Variants in CAMSAP1 observed in about 807,000 individuals in gnomAD.
CAMSAP1 encodes calmodulin regulated spectrin associated protein 1, also known as calmodulin-regulated spectrin-associated protein 1.
A neutral mutation model predicts 143.5 loss-of-function variants in CAMSAP1; 58 were observed. The ratio of observed to expected loss-of-function variants is 0.40; its 90% CI spans 0.33 to 0.50. CAMSAP1 has a LOEUF of 0.50. Ranked by LOEUF, CAMSAP1 falls within the 20% of genes least tolerant of loss-of-function variation. The pLI is 0.45. For synonymous variants in CAMSAP1, 945 were observed against 859.3 expected, an observed-to-expected ratio of 1.10 and a Z score of -1.74; for missense variants, 1,969 against 2,115.7, an observed-to-expected ratio of 0.93 and a Z score of 1.36.
At chr9:135,877,146 G>A (rs546952990) in intron 3 of CAMSAP1, among the ~76,000 whole-genome samples, 2 of 152,218 alleles carry the variant, frequency 1.3e-5, no homozygotes, top group Admixed American at 6.5e-5. Flanking sequence ...GCACACGATG[G>A]AACTCTACCA....
chr9:135,846,347 C>A (rs1836549212), intron 7 of CAMSAP1, among the ~76,000 whole-genome samples: 2 of 152,078 alleles, frequency 1.3e-5, no homozygotes, highest in Admixed American at 6.5e-5. Context: ...AATTTGGATC[C>A]CTTCCTTACA....
chr9:135,838,410 C>T, intron 7 of CAMSAP1, among the ~76,000 whole-genome samples: 1 of 144,958 alleles, frequency 6.9e-6, no homozygotes, highest in Non-Finnish European at 1.5e-5. Context: ...CACACATCAT[C>T]ACGCACTTTC....
chr9:135,897,447 C>T (rs1467905065), intron 1 of CAMSAP1, among the ~76,000 whole-genome samples: 1 of 152,174 alleles, frequency 6.6e-6, no homozygotes, highest in East Asian at 1.9e-4. Context: ...AACCACCACG[C>T]CTGGCCCTCA....
At chr9:135,846,816 A>C (rs1039297458) in intron 7 of CAMSAP1, among the ~76,000 whole-genome samples, 7 of 152,220 alleles carry the variant, frequency 4.6e-5, no homozygotes, top group African/African-American at 1.7e-4. Flanking sequence ...AGAAATGAAA[A>C]TCAAAACCAC....
Position 135,821,811 on chromosome 9 carries a change from A to G in CAMSAP1, c.2850T>C (p.Ala950=). 2.5e-6 allele frequency: 4 copies of G among 1,614,024 alleles called. No individual in the cohort carries two copies. The highest frequency in any genetic ancestry group is 3.4e-6 in the Non-Finnish European group (4 of 1,179,898). Residue 950 remains alanine (A), a synonymous_variant, in exon 11 of 17, where the codon GCT becomes GCC. Coordinates refer to ENST00000389532, the MANE Select transcript of CAMSAP1 (RefSeq NM_015447.4). The surrounding 1 kb of genome is among the most constrained non-coding windows in gnomAD (Gnocchi z 4.6). ...CGAGAAAGTCTTCGGTTTTGGAAACAGCGTCCCCACAGTCCTCCCCGTTGT... is the reference window on the plus strand; with the variant it reads ...CGAGAAAGTCTTCGGTTTTGGAAACGGCGTCCCCACAGTCCTCCCCGTTGT... ...SQHNGEDCGD[A]VSKTEDFLVK...
chr9:135,846,678 T>A, intron 7 of CAMSAP1, among the ~76,000 whole-genome samples: 2 of 132,646 alleles, frequency 1.5e-5, no homozygotes, highest in Non-Finnish European at 1.6e-5. Flanking sequence ...TAAAACAAAT[T>A]TACCAAAAAA....
intron 7 of CAMSAP1, among the ~76,000 whole-genome samples, chr9:135,831,324 A>G (rs1835852774): frequency 6.6e-6 from 1 of 152,176 alleles, no homozygotes; most frequent in Non-Finnish European, 1.5e-5. Flanking sequence ...CAAAACTTGC[A>G]TGATGCAGTG....
Position 135,818,208 on chromosome 9 carries a change from C to A in CAMSAP1, c.4169-129G>T. On this transcript the variant is annotated intron_variant, in intron 13 of 16. Transcript: ENST00000389532. The surrounding 1 kb of genome is among the most constrained non-coding windows in gnomAD (Gnocchi z 7.7). ...CACAGGCCGCGTCCCCACCCCATCC[C>A]GGGGAGCCGGGCTGCGCCTGGATGT... 1.7e-6 allele frequency: 2 copies of A among 1,165,700 alleles called. No individual in the cohort carries two copies. Among genetic ancestry groups the A allele is most frequent in the South Asian group, 3.0e-5 (2 of 66,858 alleles). The allele number at this position is 1,165,700 out of a possible 1,614,324, so 72.2% of individuals were successfully genotyped here.
chr9:135,827,113 T>C (rs2131674626), intron 8 of CAMSAP1, among the ~76,000 whole-genome samples: 1 of 152,286 alleles, frequency 6.6e-6, no homozygotes, highest in Non-Finnish European at 1.5e-5. Flanking sequence ...TTCTAATCTT[T>C]AGATCGTTTC....
At chr9:135,850,693 G>C (rs532280534) in intron 5 of CAMSAP1, among the ~76,000 whole-genome samples, 9 of 152,276 alleles carry the variant, frequency 5.9e-5, no homozygotes, top group African/African-American at 1.7e-4. Flanking sequence ...CATCCAGAAA[G>C]CATAATAGAA....
Position 135,836,425 on chromosome 9 carries a change from C to T in CAMSAP1, c.1046-8841G>A, listed in dbSNP as rs995440668. The T allele has an allele frequency of 1.6e-5, 16 of 984,618 alleles. No homozygotes were observed. The African/African-American group carries it at 2.3e-4, about 14-fold the overall frequency. 61.0% of individuals were successfully genotyped at this position (984,618 alleles called of 1,614,324 possible). A position where few individuals can be genotyped will look rare whatever the true frequency, so the allele number is the denominator to read the frequency against. On this transcript the variant is annotated intron_variant, in intron 7 of 16. Coordinates refer to ENST00000389532, the MANE Select transcript of CAMSAP1 (RefSeq NM_015447.4). Reference sequence around the variant, plus strand: ...CTTTTTCTACTCCGTTCTACAGACACGTCACCACACACTTTCTACCCTGTT... The same window carrying T: ...CTTTTTCTACTCCGTTCTACAGACATGTCACCACACACTTTCTACCCTGTT...
In CAMSAP1 at chr9:135,893,261, TGAAA is replaced by T. The variant is rs139170834; in HGVS notation, c.161-10187_161-10184del. 9.3e-4 allele frequency among the ~76,000 whole-genome samples: 99 copies of T among 105,948 alleles called. 1 individual carries two copies. In the Admixed American group the frequency reaches 0.011, roughly 12 times the overall value. The allele number at this position is 105,948 out of a possible 152,430, so 69.5% of individuals were successfully genotyped here. A position where few individuals can be genotyped will look rare whatever the true frequency, so the allele number is the denominator to read the frequency against. ...AGAAGAGAGACGAGAAGGAGAGAGA[TGAAA>T]GAAAGAAAAGAAAAAAAGAAAAAAG... On this transcript the variant is annotated intron_variant, in intron 1 of 16. Coordinates refer to ENST00000389532, the MANE Select transcript of CAMSAP1 (RefSeq NM_015447.4).
At chr9:135,869,735 G>T (rs564511422) in intron 3 of CAMSAP1, among the ~76,000 whole-genome samples, 1,835 of 152,256 alleles carry the variant, frequency 0.012, 23 homozygotes, top group Non-Finnish European at 0.018. Flanking sequence ...ACTTGTGCAT[G>T]AAATCAGCAT....
At chr9:135,819,202 G>T in intron 11 of CAMSAP1, 56 bp from the exon 12 acceptor site, 1 of 1,544,950 alleles carries the variant, frequency 6.5e-7, no homozygotes, top group Non-Finnish European at 8.7e-7. Context: ...CGCCGGACAC[G>T]GCCGCACTCG....
chr9:135,860,047 A>AT (rs1469097019), intron 5 of CAMSAP1, among the ~76,000 whole-genome samples: 1 of 150,310 alleles, frequency 6.7e-6, no homozygotes, highest in Non-Finnish European at 1.5e-5. Flanking sequence ...TCCACAAAAA[A>AT]AAAAAAAATA....
At chr9:135,866,302 G>A in intron 4 of CAMSAP1, 154 bp downstream of exon 4, 1 of 588,934 alleles carries the variant, frequency 1.7e-6, no homozygotes, top group Non-Finnish European at 3.1e-6. Flanking sequence ...ACTGAGGTGT[G>A]GAGAATCAGC....
chr9:135,906,911 G>C (rs1448700644), intron 1 of CAMSAP1, 89 bp downstream of exon 1: 1 of 778,142 alleles, frequency 1.3e-6, no homozygotes, highest in African/African-American at 1.9e-5. Flanking sequence ...GGCGCGGCGC[G>C]CGGACCCCGA....
intron 3 of CAMSAP1, among the ~76,000 whole-genome samples, chr9:135,867,500 T>G (rs1325205687): frequency 4.8e-5 from 7 of 145,800 alleles, no homozygotes; most frequent in Non-Finnish European, 7.6e-5. Flanking sequence ...AAAAAAAAAG[T>G]CTGTAAAGCT....
At chr9:135,858,960 C>G (rs1347042663) in intron 5 of CAMSAP1, among the ~76,000 whole-genome samples, 1 of 152,228 alleles carries the variant, frequency 6.6e-6, no homozygotes, top group East Asian at 1.9e-4. Flanking sequence ...CTTCCCTTCT[C>G]AAGCCACTGA....
Sources: allele counts gnomAD v4.1 joint callset (sites outside exome capture counted in the v4.1 genomes callset), GRCh38; gene constraint gnomAD v4.1.1; non-coding constraint Gnocchi (gnomAD v3.1); transcripts MANE v1.5; gene names NCBI Gene and HGNC (gene_info 2026-07-23, HGNC 2026-07-21).